Variants in NRXN3 observed in about 807,000 individuals in gnomAD.
The protein encoded by NRXN3 is neurexin III.
In NRXN3, 32 loss-of-function variants were observed where a neutral mutation model predicts 137.6. The observed-to-expected ratio is 0.23, with a 90% CI of 0.18 to 0.31. The LOEUF (loss-of-function observed/expected upper bound fraction) is 0.31, where lower values mean the gene tolerates loss of function less well. Among genes scored for constraint, NRXN3 ranks in the 10% least tolerant of loss-of-function variants. NRXN3 has a pLI of 1.00. For synonymous variants in NRXN3, 798 were observed against 784.5 expected, an observed-to-expected ratio of 1.02 and a Z score of -0.29; for missense variants, 1,574 against 2,062.5, an observed-to-expected ratio of 0.76 and a Z score of 4.59.
At chr14:79,246,074 G>C (rs1422198203) in intron 15 of NRXN3, among the ~76,000 whole-genome samples, 3 of 152,178 alleles carry the variant, frequency 2.0e-5, no homozygotes, top group East Asian at 1.9e-4. Flanking sequence ...GAACACTATA[G>C]TGTGGGCACT....
intron 4 of NRXN3, among the ~76,000 whole-genome samples, chr14:78,484,397 AGTGAAGTT>A (rs1457591898): frequency 6.6e-6 from 1 of 152,204 alleles, no homozygotes; most frequent in African/African-American, 2.4e-5. Context: ...TAGTTTGTGC[AGTGAAGTT>A]GCAGGTTTCA....
intron 11 of NRXN3, among the ~76,000 whole-genome samples, chr14:78,958,513 G>A (rs1282401237): frequency 1.3e-5 from 2 of 152,004 alleles, no homozygotes; most frequent in South Asian, 2.1e-4. Context: ...CTGCCACCAC[G>A]CCTGGCTAAT....
chr14:79,847,396 T>C (rs1049912325), intron 20 of NRXN3, among the ~76,000 whole-genome samples: 6 of 152,336 alleles, frequency 3.9e-5, no homozygotes, highest in African/African-American at 1.4e-4. Flanking sequence ...TATTTTGATG[T>C]CTTTCCATAA....
chr14:78,567,982 T>C (rs138086832), intron 4 of NRXN3, among the ~76,000 whole-genome samples: 75 of 152,252 alleles, frequency 4.9e-4, no homozygotes, highest in African/African-American at 1.7e-3. Flanking sequence ...TCAGAGAAGA[T>C]AGAACTACAC....
intron 16 of NRXN3, among the ~76,000 whole-genome samples, chr14:79,536,691 T>C (rs1307376283): frequency 1.3e-5 from 2 of 152,110 alleles, no homozygotes; most frequent in African/African-American, 2.4e-5. Flanking sequence ...CTCCCACTTA[T>C]AAGTGAGAAT....
At chr14:78,638,563 C>T (rs1297497085) in intron 4 of NRXN3, among the ~76,000 whole-genome samples, 1 of 152,146 alleles carries the variant, frequency 6.6e-6, no homozygotes, top group African/African-American at 2.4e-5. Flanking sequence ...ATTAAGTGTA[C>T]AATAGAATTC....
chr14:79,683,620 A>G (rs905191440), intron 17 of NRXN3, among the ~76,000 whole-genome samples: 3 of 152,170 alleles, frequency 2.0e-5, no homozygotes, highest in Admixed American at 2.0e-4. Flanking sequence ...ATTTGATAGC[A>G]GCTTAGTTGA....
intron 15 of NRXN3, among the ~76,000 whole-genome samples, chr14:79,407,828 T>C (rs1599837702): frequency 2.0e-5 from 3 of 152,204 alleles, no homozygotes; most frequent in Admixed American, 2.0e-4. Context: ...GTAGGACACA[T>C]GTGAGTCACT....
intron 19 of NRXN3, among the ~76,000 whole-genome samples, chr14:79,724,319 T>C (rs755602604): frequency 1.3e-5 from 2 of 152,146 alleles, no homozygotes; most frequent in African/African-American, 2.4e-5. Flanking sequence ...CCTAACTCTC[T>C]ATTCCACAGA....
At chr14:78,191,012 T>G (rs1301963559) in intron 1 of NRXN3, among the ~76,000 whole-genome samples, 2 of 152,166 alleles carry the variant, frequency 1.3e-5, no homozygotes, top group African/African-American at 4.8e-5. Context: ...ATCGATTTGT[T>G]TCTAACCAGG....
chr14:78,847,220 T>C (rs2152469293), intron 10 of NRXN3, among the ~76,000 whole-genome samples: 1 of 152,194 alleles, frequency 6.6e-6, no homozygotes, highest in Non-Finnish European at 1.5e-5. Context: ...ACATTTACGG[T>C]TAATGACCAT....
intron 4 of NRXN3, among the ~76,000 whole-genome samples, chr14:78,463,004 C>T (rs1220924722): frequency 6.6e-6 from 1 of 152,156 alleles, no homozygotes. Flanking sequence ...CCCTCCCATT[C>T]TCCCACCTTT....
At chr14:78,260,294 A>G (rs530572450) in intron 2 of NRXN3, among the ~76,000 whole-genome samples, 1 of 152,276 alleles carries the variant, frequency 6.6e-6, no homozygotes, top group South Asian at 2.1e-4. Flanking sequence ...CAGGAGTGTG[A>G]TTAAGGTACT....
intron 19 of NRXN3, among the ~76,000 whole-genome samples, chr14:79,740,732 A>T (rs1423236002): frequency 2.8e-5 from 1 of 35,588 alleles, no homozygotes; most frequent in African/African-American, 1.1e-4. Context: ...ATATATATAT[A>T]TATATATATA....
chr14:78,508,117 T>C (rs1463343599), intron 4 of NRXN3, among the ~76,000 whole-genome samples: 1 of 152,140 alleles, frequency 6.6e-6, no homozygotes. Context: ...CGAATGTCAA[T>C]CTCAGGTAGG....
chr14:79,059,247 A>ATTTTTTTTTTTTTT (rs1555701604), intron 15 of NRXN3, among the ~76,000 whole-genome samples: 1 of 95,844 alleles, frequency 1.0e-5, no homozygotes, highest in Non-Finnish European at 2.0e-5. Flanking sequence ...TTCAGGCCCT[A>ATTTTTTTTTTTTTT]TTCTTTTTTT....
Position 78,926,948 on chromosome 14 carries a change from A to T in NRXN3, c.2276-30294A>T, listed in dbSNP as rs1382691765. Among the ~76,000 whole-genome samples the T allele has an allele frequency of 1.4e-4, 5 of 35,232 alleles. 1 individual carries two copies. The South Asian group carries it at 2.2e-3, about 15-fold the overall frequency. The allele number at this position is 35,232 out of a possible 152,430, so 23.1% of individuals were successfully genotyped here. The stretch of plus-strand genomic sequence containing the variant: ...ATATAATATATTTATATATATATAT[A>T]ATATATATAATATATATATAATATA... On this transcript the variant is annotated intron_variant, in intron 10 of 20. Coordinates refer to ENST00000335750, the MANE Select transcript of NRXN3 (RefSeq NM_001330195.2).
chr14:79,753,458 A>T (rs1218193197), intron 19 of NRXN3, among the ~76,000 whole-genome samples: 1 of 151,566 alleles, frequency 6.6e-6, no homozygotes, highest in African/African-American at 2.4e-5. Flanking sequence ...TTCTCAGCAA[A>T]CTATCGCAAG....
At chr14:79,017,182 G>A (rs945138235) in intron 15 of NRXN3, among the ~76,000 whole-genome samples, 1 of 151,876 alleles carries the variant, frequency 6.6e-6, no homozygotes, top group Non-Finnish European at 1.5e-5. Context: ...TGAATTGAGT[G>A]GATCCAATGA....
Sources: gnomAD v4.1 joint callset for allele counts (sites outside exome capture counted in the v4.1 genomes callset) on GRCh38, gnomAD v4.1.1 for gene constraint, MANE v1.5 for transcripts, NCBI Gene and HGNC (gene_info 2026-07-23, HGNC 2026-07-21) for gene names.